CKAP4: variants seen among roughly 807,000 people sequenced by gnomAD.
The protein encoded by CKAP4 is cytoskeleton associated protein 4.
Under a neutral mutation model 24.4 loss-of-function variants are expected in CKAP4, and 20 were observed. That is an observed-to-expected ratio of 0.82 (90% CI 0.58 to 1.19). The LOEUF is 1.19. Among genes scored for constraint, CKAP4 ranks in the 50% most tolerant of loss-of-function variants. CKAP4 has a pLI of 0.00. For missense variants in CKAP4, 744 were observed against 765.3 expected, an observed-to-expected ratio of 0.97 and a Z score of 0.33; for synonymous variants, 378 against 351.7, an observed-to-expected ratio of 1.07 and a Z score of -0.84.
rs752322663 is a variant in CKAP4, at chr12:106,240,087, T to C, written c.746A>G (p.Asn249Ser). 2.5e-6 allele frequency: 4 copies of C among 1,614,168 alleles called. No homozygotes were observed. Among genetic ancestry groups the C allele is most frequent in the Non-Finnish European group, 2.5e-6 (3 of 1,180,022 alleles). Reference sequence around the variant, plus strand: ...TTCTGTGAAGATGGCGATGTTGTCGTTGATGGATTTGGTGAGCTCCGTCAG... The same window carrying C: ...TTCTGTGAAGATGGCGATGTTGTCGCTGATGGATTTGGTGAGCTCCGTCAG... ...ERLTELTKSI[N>S]DNIAIFTEVQ... Residue 249 changes from asparagine to serine, a missense_variant, in exon 2 of 2, where the codon AAC (asparagine) becomes AGC (serine). Asn to Ser is a conservative substitution (Grantham distance 46). Coordinates refer to ENST00000378026, the MANE Select transcript of CKAP4 (RefSeq NM_006825.4).
rs1262617999 is a variant in CKAP4 at position 106,247,615 on chromosome 12, G to A, written c.237C>T (p.Ser79=). 3 of 1,206,960 alleles carry A rather than the reference G, an allele frequency of 2.5e-6. No individual in the cohort carries two copies. The highest frequency in any genetic ancestry group is 3.2e-5 in the Admixed American group (1 of 31,436). 74.8% of individuals were successfully genotyped at this position (1,206,960 alleles called of 1,614,324 possible). A position where few individuals can be genotyped will look rare whatever the true frequency, so the allele number is the denominator to read the frequency against. Residue 79 remains serine, a synonymous_variant, in exon 1 of 2, where the codon TCC becomes TCT. Transcript: ENST00000378026. The surrounding 1 kb of genome is among the most constrained non-coding windows in gnomAD (Gnocchi z 4.5). The part of the protein sequence containing the change: ...HRGGGGGGGK[S]SSSSSASAAA... Reference sequence around the variant, plus strand: ...CGGCGGAGGCGGAGGAGGAGGAGGAGGACTTGCCGCCGCCGCCGCCGCCGC... The same window carrying A: ...CGGCGGAGGCGGAGGAGGAGGAGGAAGACTTGCCGCCGCCGCCGCCGCCGC...
intron 1 of CKAP4, among the ~76,000 whole-genome samples, chr12:106,241,331 C>CTTTTTTT (rs34135868): frequency 7.8e-6 from 1 of 127,520 alleles, no homozygotes; most frequent in Non-Finnish European, 1.6e-5. Flanking sequence ...GCCAGGGATT[C>CTTTTTTT]TTTTTTTTTT....
Position 106,239,427 on chromosome 12 carries a change from G to C in CKAP4, c.1406C>G (p.Ala469Gly). ...GSSEADQDGL[A>G]STVRSLGETQ... is the part of the protein sequence containing the mutation. ...CTCGCCCAGGCTCCTCACCGTGCTG[G>C]CCAGGCCATCCTGGTCTGCCTCTGA... Residue 469 changes from alanine to glycine, a missense_variant, in exon 2 of 2, where the codon GCC becomes GGC. By Grantham distance (60) the Ala-to-Gly change is moderately conservative. This residue lies in a region of CKAP4 where 401 missense variants were observed against 424.5 expected (regional missense o/e 0.94). Transcript: ENST00000378026. The surrounding 1 kb of genome is among the most constrained non-coding windows in gnomAD (Gnocchi z 4.9). The C allele has an allele frequency of 6.2e-7, 1 of 1,601,590 alleles. No homozygotes were observed. The highest frequency in any genetic ancestry group is 8.5e-7 in the Non-Finnish European group (1 of 1,179,242).
chr12:106,239,864 G>A lies in CKAP4; in HGVS notation c.969C>T (p.Thr323=), dbSNP rs141311887. The change falls in exon 2 of 2, where the codon ACC becomes ACT. Residue 323 remains threonine (T), a synonymous_variant. Coordinates refer to ENST00000378026, the MANE Select transcript of CKAP4 (RefSeq NM_006825.4). The surrounding 1 kb of genome is among the most constrained non-coding windows in gnomAD (Gnocchi z 4.9). ...TGAGGCTCACCAGCTCGCGGACCTC[G>A]GTGTAGATGTCAGACTCCATAGTCT... ...TLQTMESDIY[T]EVRELVSLKQ... 149 of 1,613,958 alleles carry A rather than the reference G, an allele frequency of 9.2e-5. No homozygotes were observed. In the Admixed American group the frequency reaches 1.6e-3, roughly 18 times the overall value.
rs893347976 is a variant in CKAP4, at chr12:106,238,818, C to G, written c.*206G>C. The G allele has an allele frequency of 7.0e-5, 42 of 598,640 alleles. No individual in the cohort carries two copies. The highest frequency in any genetic ancestry group is 1.2e-4 in the Non-Finnish European group (40 of 344,520). The allele number at this position is 598,640 out of a possible 1,614,324, so 37.1% of individuals were successfully genotyped here. On this transcript the variant is annotated 3_prime_UTR_variant, in exon 2 of 2. Coordinates refer to ENST00000378026, the MANE Select transcript of CKAP4 (RefSeq NM_006825.4). ...TTCACAGGGGCTGCGCTTCAGGAAA[C>G]CAACCAAATGCAGAAGCAGAGAACT... is the stretch of plus-strand genomic sequence containing the variant.
chr12:106,246,222 C>T (rs1016951502), intron 1 of CKAP4, among the ~76,000 whole-genome samples: 8 of 152,192 alleles, frequency 5.3e-5, no homozygotes, highest in Non-Finnish European at 7.4e-5. Flanking sequence ...TAGACATTCT[C>T]GTGTGTCTGT....
intron 1 of CKAP4, among the ~76,000 whole-genome samples, chr12:106,244,618 C>A (rs2033992630): frequency 6.6e-6 from 1 of 152,082 alleles, no homozygotes. Flanking sequence ...CCTGTCTCTA[C>A]CAAAAATTTT....
chr12:106,247,356 C>G lies in CKAP4; in HGVS notation c.483+13G>C, dbSNP rs1383172922. On this transcript the variant is annotated intron_variant, in intron 1 of 1. Coordinates refer to ENST00000378026, the MANE Select transcript of CKAP4 (RefSeq NM_006825.4). The surrounding 1 kb of genome is among the most constrained non-coding windows in gnomAD (Gnocchi z 4.5). Reference sequence around the variant, plus strand: ...CAGTCGATGGGGACAGTTGCGGGGCCGGGGGTACCCACCTTCTGCTCGACG... The same window carrying G: ...CAGTCGATGGGGACAGTTGCGGGGCGGGGGGTACCCACCTTCTGCTCGACG... The G allele has an allele frequency of 6.6e-7, 1 of 1,519,118 alleles. No homozygotes were observed. Among genetic ancestry groups the G allele is most frequent in the East Asian group, 2.6e-5 (1 of 37,870 alleles). The allele number at this position is 1,519,118 out of a possible 1,614,324, so 94.1% of individuals were successfully genotyped here. A position where few individuals can be genotyped will look rare whatever the true frequency, so the allele number is the denominator to read the frequency against.
Position 106,239,390 on chromosome 12 carries a change from C to T in CKAP4, c.1443G>A (p.Val481=). ...TVRSLGETQL[V]LYGDVEELKR... ...TCAGCTCCTCCACGTCACCGTAGAGCACCAGCTGGGTCTCGCCCAGGCTCC... is the reference window on the plus strand; with the variant it reads ...TCAGCTCCTCCACGTCACCGTAGAGTACCAGCTGGGTCTCGCCCAGGCTCC... The change falls in exon 2 of 2, where the codon GTG becomes GTA. Residue 481 remains valine (V), a synonymous_variant. Transcript: ENST00000378026. The surrounding 1 kb of genome is among the most constrained non-coding windows in gnomAD (Gnocchi z 4.9). 1.9e-6 allele frequency: 3 copies of T among 1,600,898 alleles called. No individual in the cohort carries two copies. Among genetic ancestry groups the T allele is most frequent in the Non-Finnish European group, 2.5e-6 (3 of 1,177,894 alleles).
chr12:106,240,687 A>C (rs1309440998), intron 1 of CKAP4, among the ~76,000 whole-genome samples: 1 of 151,762 alleles, frequency 6.6e-6, no homozygotes, highest in Non-Finnish European at 1.5e-5. Flanking sequence ...AAAAAAGAAA[A>C]AAAAAGGGAA....
chr12:106,240,673 A>G (rs996613769), intron 1 of CKAP4, among the ~76,000 whole-genome samples: 7 of 150,960 alleles, frequency 4.6e-5, no homozygotes, highest in Non-Finnish European at 1.0e-4. Context: ...TGTTGCAAAA[A>G]AAAAAAAAAG....
rs561231767 is a variant in CKAP4 at position 106,238,926 on chromosome 12, C to A, written c.*98G>T. On this transcript the variant is annotated 3_prime_UTR_variant, in exon 2 of 2. Coordinates refer to ENST00000378026, the MANE Select transcript of CKAP4 (RefSeq NM_006825.4). ...GTGACAACTGCTCTTTAAGAGGGGA[C>A]AAGAAATTGGGGGGTAGGGGACACA... 2 of 1,346,256 alleles carry A rather than the reference C, an allele frequency of 1.5e-6. No individual in the cohort carries two copies. Among genetic ancestry groups the A allele is most frequent in the African/African-American group, 2.9e-5 (2 of 69,082 alleles). The allele number at this position is 1,346,256 out of a possible 1,614,324, so 83.4% of individuals were successfully genotyped here.
rs1311539622 is a variant in CKAP4 at position 106,238,084 on chromosome 12, A to T, written c.*940T>A. On this transcript the variant is annotated 3_prime_UTR_variant, in exon 2 of 2. Transcript: ENST00000378026. Reference sequence around the variant, plus strand: ...CTCAGAGGGAAGGGAGATACAGCAAACAATTACACAAACGCAGTATGCACG... The same window carrying T: ...CTCAGAGGGAAGGGAGATACAGCAATCAATTACACAAACGCAGTATGCACG... 6.7e-6 allele frequency: 1 copy of T among 149,890 alleles called. No individual in the cohort carries two copies. Among genetic ancestry groups the T allele is most frequent in the East Asian group, 2.0e-4 (1 of 5,098 alleles). The allele number at this position is 149,890 out of a possible 1,614,324, so 9.3% of individuals were successfully genotyped here.
At chr12:106,244,496 G>A (rs1017458885) in intron 1 of CKAP4, among the ~76,000 whole-genome samples, 1 of 152,178 alleles carries the variant, frequency 6.6e-6, no homozygotes, top group Non-Finnish European at 1.5e-5. Flanking sequence ...AAAGAAAAGT[G>A]GTCAGCCAGG....
rs369412968 is a variant in CKAP4 at position 106,240,001 on chromosome 12, C to G, written c.832G>C (p.Glu278Gln). Residue 278 changes from glutamate to glutamine, a missense_variant, in exon 2 of 2, where the codon GAA becomes CAA. By Grantham distance (29) the Glu-to-Gln change is conservative. Around this residue, in one of 3 missense-constraint regions of CKAP4, gnomAD observed 401 missense variants for 424.5 expected, o/e 0.94. Transcript: ENST00000378026. ...AAATCCTGCTTGTTCCCCTCAGATT[C>G]TTCCAGGGAGGCAACCTTTGCCTTC... ...DMKAKVASLE[E>Q]SEGNKQDLKA... The G allele has an allele frequency of 6.2e-7, 1 of 1,614,148 alleles. No homozygotes were observed. The highest frequency in any genetic ancestry group is 8.5e-7 in the Non-Finnish European group (1 of 1,180,030).
Position 106,238,890 on chromosome 12 carries a change from G to GT in CKAP4, c.*133dup. The GT allele has an allele frequency of 9.5e-6, 8 of 844,040 alleles. No individual in the cohort carries two copies. The highest frequency in any genetic ancestry group is 1.5e-5 in the Non-Finnish European group (8 of 529,386). 52.3% of individuals were successfully genotyped at this position (844,040 alleles called of 1,614,324 possible). ...CTGGGCATGAAAATACAATGCCTTG[G>GT]TGTTCAGGTGGTGACAACTGCTCTT... On this transcript the variant is annotated 3_prime_UTR_variant, in exon 2 of 2. Transcript: ENST00000378026.
In CKAP4 at chr12:106,239,555, A is replaced by C; in HGVS notation, c.1278T>G (p.Ala426=). ...VEDGVLSMQV[A]SARQTESLES... is the part of the protein sequence containing the mutation. ...CCAGGCTCTCGGTCTGGCGCGCAGA[A>C]GCCACCTGCATGGAGAGCACCCCAT... The change falls in exon 2 of 2, where the codon GCT becomes GCG. Residue 426 remains alanine (A), a synonymous_variant. Coordinates refer to ENST00000378026, the MANE Select transcript of CKAP4 (RefSeq NM_006825.4). The surrounding 1 kb of genome is among the most constrained non-coding windows in gnomAD (Gnocchi z 4.9). 1 of 1,613,074 alleles carries C rather than the reference A, an allele frequency of 6.2e-7. No individual in the cohort carries two copies. The highest frequency in any genetic ancestry group is 2.2e-5 in the East Asian group (1 of 44,846).
chr12:106,247,668 G>C lies in CKAP4; in HGVS notation c.184C>G (p.Gln62Glu). Residue 62 changes from glutamine to glutamate, a missense_variant, in exon 1 of 2, where the codon CAG (glutamine) becomes GAG (glutamate). Physicochemically the swap from Gln to Glu is conservative, Grantham distance 29. Around this residue, in one of 3 missense-constraint regions of CKAP4, gnomAD observed 300 missense variants for 264.5 expected, o/e 1.13. Transcript: ENST00000378026. This position sits in a 1 kb window ranked among gnomAD's most constrained non-coding sequence, Gnocchi z 4.5. ...CGGTGGCCGCCCTTGCCGTGCGCCT[G>C]GTTCTGCGGGTGCTGCTGCGGGTGC... ...QQHPQQHPQN[Q>E]AHGKGGHRGG... 1 of 1,106,412 alleles carries C rather than the reference G, an allele frequency of 9.0e-7. No homozygotes were observed. The highest frequency in any genetic ancestry group is 1.1e-6 in the Non-Finnish European group (1 of 894,284). 68.5% of individuals were successfully genotyped at this position (1,106,412 alleles called of 1,614,324 possible).
Position 106,240,248 on chromosome 12 carries a change from A to T in CKAP4, c.585T>A (p.Ser195Arg), listed in dbSNP as rs183401520. 9.8e-5 allele frequency: 158 copies of T among 1,613,214 alleles called. 3 individuals are homozygous for T. The Middle Eastern group carries it at 5.0e-3, about 51-fold the overall frequency. Reference protein sequence around the residue: ...LTEKAVKQGESEVSRISEVLQ... With the variant: ...LTEKAVKQGEREVSRISEVLQ... ...GCACTTCGCTGATCCGGCTGACCTC[A>T]CTCTCCCCTTGCTTCACAGCTTTCT... The change falls in exon 2 of 2, where the codon AGT becomes AGA. Residue 195 changes from serine (S) to arginine (R), a missense_variant. By Grantham distance (110) the Ser-to-Arg change is moderately radical. Transcript: ENST00000378026.
Sources: allele counts gnomAD v4.1 joint callset (sites outside exome capture counted in the v4.1 genomes callset), GRCh38; gene constraint gnomAD v4.1.1; regional missense constraint gnomAD v4.1.1; non-coding constraint Gnocchi (gnomAD v3.1); transcripts MANE v1.5; gene names NCBI Gene and HGNC (gene_info 2026-07-23, HGNC 2026-07-21).